Variants in ARHGAP28 observed in about 807,000 individuals in gnomAD.
The protein encoded by ARHGAP28 is Rho GTPase activating protein 28, also known as rho GTPase-activating protein 28.
Under a neutral mutation model 90.7 loss-of-function variants are expected in ARHGAP28, and 56 were observed. The ratio of observed to expected loss-of-function variants is 0.62; its 90% CI spans 0.50 to 0.77. The LOEUF (loss-of-function observed/expected upper bound fraction) is 0.77, where lower values mean the gene tolerates loss of function less well. Ranked by LOEUF, ARHGAP28 falls within the 30% of genes least tolerant of loss-of-function variation. The pLI, the probability that ARHGAP28 is intolerant of heterozygous loss-of-function variation, is 0.00. For synonymous variants in ARHGAP28, 308 were observed against 323.3 expected (o/e 0.95, Z 0.51); for missense variants, 869 against 900.9 (o/e 0.96, Z 0.45).
At chr18:6,776,882 A>C (rs9964321) in intron 1 of ARHGAP28, among the ~76,000 whole-genome samples, 72,443 of 151,870 alleles carry the variant, frequency 0.48, 19,294 homozygotes, top group East Asian at 0.84. Flanking sequence ...CCATGATTAG[A>C]TCATTATGGA....
At chr18:6,844,866 T>C (rs1252657279) in intron 3 of ARHGAP28, among the ~76,000 whole-genome samples, 1 of 152,134 alleles carries the variant, frequency 6.6e-6, no homozygotes, top group Admixed American at 6.5e-5. Context: ...AATAAATAAA[T>C]AGTTAAATTC....
rs1413943866 is a variant in ARHGAP28, at chr18:6,912,927, G to T, written c.*773G>T. 2.0e-5 allele frequency: 3 copies of T among 152,210 alleles called. No individual in the cohort carries two copies. The highest frequency in any genetic ancestry group is 7.2e-5 in the African/African-American group (3 of 41,450). The allele number at this position is 152,210 out of a possible 1,614,324, so 9.4% of individuals were successfully genotyped here. ...CTGATTTGTAGTTAACATTCACAGA[G>T]CCTACATTTTCTCATTACGGTTATG... On this transcript the variant is annotated 3_prime_UTR_variant, in exon 18 of 18. Coordinates refer to ENST00000383472, the MANE Select transcript of ARHGAP28 (RefSeq NM_001366230.1).
chr18:6,810,438 C>T (rs2056548241), intron 1 of ARHGAP28, among the ~76,000 whole-genome samples: 1 of 151,982 alleles, frequency 6.6e-6, no homozygotes, highest in Non-Finnish European at 1.5e-5. Flanking sequence ...TTGCAACATC[C>T]AGATAGAGAT....
At chr18:6,800,972 T>G (rs1047905592) in intron 1 of ARHGAP28, among the ~76,000 whole-genome samples, 7 of 152,240 alleles carry the variant, frequency 4.6e-5, no homozygotes, top group African/African-American at 1.7e-4. Context: ...AGTATGTGGC[T>G]TATCTTTTCA....
Position 6,887,195 on chromosome 18 carries a change from C to G in ARHGAP28, c.1492C>G (p.Leu498Val). ...HVKVQFQALH[L>V]MVMALPDANR... Reference sequence around the variant, plus strand: ...CAAAGTACAGTTTCAAGCCTTACACCTCATGGTCATGGCGCTGCCTGATGC... The same window carrying G: ...CAAAGTACAGTTTCAAGCCTTACACGTCATGGTCATGGCGCTGCCTGATGC... The change falls in exon 12 of 18, where the codon CTC becomes GTC. Residue 498 changes from leucine (L) to valine (V), a missense_variant. By Grantham distance (32) the Leu-to-Val change is conservative. Transcript: ENST00000383472. The G allele has an allele frequency of 6.2e-7, 1 of 1,614,134 alleles. No homozygotes were observed. Among genetic ancestry groups the G allele is most frequent in the Non-Finnish European group, 8.5e-7 (1 of 1,180,018 alleles).
intron 1 of ARHGAP28, among the ~76,000 whole-genome samples, chr18:6,783,803 C>T (rs140855743): frequency 6.6e-6 from 1 of 152,104 alleles, no homozygotes; most frequent in Non-Finnish European, 1.5e-5. Context: ...GATGTTTATT[C>T]CCCTTTCCCA....
At position 6,882,292 on chromosome 18, in the gene ARHGAP28, A is replaced by G; in HGVS notation, c.1446A>G (p.Leu482=). ...AATATATACCTGCCTTCATCAGTCTAATGGAAAGTAGGTGGAAGACGTTAT... is the reference window on the plus strand; with the variant it reads ...AATATATACCTGCCTTCATCAGTCTGATGGAAAGTAGGTGGAAGACGTTAT... The part of the protein sequence containing the change: ...PVEYIPAFIS[L]MERGPHVKVQ... The change falls in exon 11 of 18, where the codon CTA becomes CTG. Residue 482 remains leucine (L), a synonymous_variant. Coordinates refer to ENST00000383472, the MANE Select transcript of ARHGAP28 (RefSeq NM_001366230.1). 6.2e-7 allele frequency: 1 copy of G among 1,611,588 alleles called. No individual in the cohort carries two copies. The highest frequency in any genetic ancestry group is 8.5e-7 in the Non-Finnish European group (1 of 1,179,240).
At chr18:6,828,186 CA>C (rs1555630018) in intron 2 of ARHGAP28, among the ~76,000 whole-genome samples, 2 of 152,092 alleles carry the variant, frequency 1.3e-5, no homozygotes, top group Admixed American at 6.5e-5. Flanking sequence ...CCGTCTCCAC[CA>C]AAAAAATACG....
At chr18:6,801,061 T>C (rs2056478207) in intron 1 of ARHGAP28, among the ~76,000 whole-genome samples, 1 of 152,226 alleles carries the variant, frequency 6.6e-6, no homozygotes. Context: ...CTTTCAAATA[T>C]ACCTAAGCCA....
chr18:6,841,172 CTCTCTCTCCTCTCTCTCT>C (rs1281203967), intron 3 of ARHGAP28, among the ~76,000 whole-genome samples: 1 of 76,222 alleles, frequency 1.3e-5, no homozygotes, highest in Non-Finnish European at 2.6e-5. Flanking sequence ...TCTCTCCTCT[CTCTCTCTCCTCTCTCTCT>C]CTCTCTCTCT....
At chr18:6,901,531 T>C (rs2057338338) in intron 16 of ARHGAP28, among the ~76,000 whole-genome samples, 1 of 126,356 alleles carries the variant, frequency 7.9e-6, no homozygotes. Context: ...AGGTACACCC[T>C]TGATATGATA....
chr18:6,801,455 T>C (rs2056481297), intron 1 of ARHGAP28, among the ~76,000 whole-genome samples: 1 of 152,204 alleles, frequency 6.6e-6, no homozygotes, highest in South Asian at 2.1e-4. Context: ...GACTTTCTTC[T>C]TTTTCACAGT....
chr18:6,790,780 G>A (rs928894964), intron 1 of ARHGAP28: 1 of 152,216 alleles, frequency 6.6e-6, no homozygotes, highest in African/African-American at 2.4e-5. Context: ...TTGGGTACAA[G>A]AGAAGCCAGG....
chr18:6,782,590 G>GTTTTTTTTT (rs1567945690), intron 1 of ARHGAP28, among the ~76,000 whole-genome samples: 3 of 20,936 alleles, frequency 1.4e-4, no homozygotes, highest in Non-Finnish European at 2.5e-4. Flanking sequence ...GCTAATTTTT[G>GTTTTTTTTT]TATTTTTTTT....
chr18:6,860,005 T>C (rs1030203233), intron 5 of ARHGAP28, 108 bp downstream of exon 5: 3 of 971,436 alleles, frequency 3.1e-6, no homozygotes, highest in Non-Finnish European at 4.7e-6. Flanking sequence ...TAAAAAATAC[T>C]TGAGCTAAGA....
intron 6 of ARHGAP28, among the ~76,000 whole-genome samples, chr18:6,870,039 A>G (rs1390415582): frequency 1.3e-5 from 2 of 152,210 alleles, no homozygotes; most frequent in Non-Finnish European, 2.9e-5. Flanking sequence ...ACCAATATTA[A>G]ATAACAGAAA....
chr18:6,744,590 G>A (rs932362793), intron 1 of ARHGAP28, among the ~76,000 whole-genome samples: 1 of 151,932 alleles, frequency 6.6e-6, no homozygotes, highest in African/African-American at 2.4e-5. Flanking sequence ...GATCTCTCAG[G>A]TACTTTTGCT....
chr18:6,730,405 T>C (rs1239036574), intron 1 of ARHGAP28, among the ~76,000 whole-genome samples: 1 of 152,044 alleles, frequency 6.6e-6, no homozygotes, highest in Non-Finnish European at 1.5e-5. Context: ...AAAATTTAGG[T>C]TGAGAAATTC....
intron 11 of ARHGAP28, among the ~76,000 whole-genome samples, chr18:6,883,015 G>A (rs1016478914): frequency 6.6e-6 from 1 of 152,136 alleles, no homozygotes; most frequent in African/African-American, 2.4e-5. Flanking sequence ...GGCTTTAACT[G>A]TTAACCTGGG....
Sources: gnomAD v4.1 joint callset for allele counts (sites outside exome capture counted in the v4.1 genomes callset) on GRCh38, gnomAD v4.1.1 for gene constraint, MANE v1.5 for transcripts, NCBI Gene and HGNC (gene_info 2026-07-23, HGNC 2026-07-21) for gene names.